PTN: variants seen among roughly 807,000 people sequenced by gnomAD.
The protein encoded by PTN is pleiotrophin, also known as heparin affin regulatory protein.
PTN carries 18 observed loss-of-function variants against 24.1 expected under a neutral mutation model. That is an observed-to-expected ratio of 0.75 (90% CI 0.52 to 1.11). The LOEUF (loss-of-function observed/expected upper bound fraction) is 1.11. PTN is among the 50% of genes least tolerant of loss of function. The probability of loss-of-function intolerance (pLI) is 0.00; values close to 1 mark genes in which losing one functional copy is unlikely to be tolerated. For synonymous variants in PTN, 78 were observed against 68.6 expected (o/e 1.14, Z -0.67); for missense variants, 163 against 198.8 (o/e 0.82, Z 1.08).
chr7:137,245,443 G>A (rs575148894), intron 4 of PTN, among the ~76,000 whole-genome samples: 60 of 152,228 alleles, frequency 3.9e-4, no homozygotes, highest in African/African-American at 1.3e-3. Flanking sequence ...GTGGTGATGC[G>A]GATGTAAATA....
chr7:137,232,801 C>T (rs1808450752), intron 4 of PTN, among the ~76,000 whole-genome samples: 1 of 151,846 alleles, frequency 6.6e-6, no homozygotes, highest in South Asian at 2.1e-4. Flanking sequence ...GCGGCAGTTT[C>T]CCCCATGCTA....
chr7:137,237,793 A>G (rs866530265), intron 4 of PTN, among the ~76,000 whole-genome samples: 1 of 152,168 alleles, frequency 6.6e-6, no homozygotes, highest in African/African-American at 2.4e-5. Context: ...ATCTTTCTCT[A>G]TACTTTACAT....
chr7:137,228,957 G>A (rs1042872884), intron 4 of PTN, among the ~76,000 whole-genome samples: 1 of 151,836 alleles, frequency 6.6e-6, no homozygotes, highest in Non-Finnish European at 1.5e-5. Flanking sequence ...GTTAAGTACA[G>A]GCTCTGGAGT....
intron 1 of PTN, among the ~76,000 whole-genome samples, chr7:137,301,872 A>C (rs942848841): frequency 2.0e-5 from 3 of 152,000 alleles, no homozygotes; most frequent in Non-Finnish European, 2.9e-5. Flanking sequence ...AGGTAGAGGT[A>C]ACCGCGAACC....
At chr7:137,246,648 G>A (rs1304359777) in intron 4 of PTN, among the ~76,000 whole-genome samples, 1 of 152,128 alleles carries the variant, frequency 6.6e-6, no homozygotes, top group Non-Finnish European at 1.5e-5. Context: ...ACATGCATAA[G>A]TCATTGATTT....
intron 1 of PTN, among the ~76,000 whole-genome samples, chr7:137,264,550 C>T (rs1357195619): frequency 6.6e-6 from 1 of 152,166 alleles, no homozygotes; most frequent in Admixed American, 6.5e-5. Flanking sequence ...GTACAGCTCC[C>T]AGTCTACTGA....
chr7:137,313,975 G>T (rs1486437065), intron 1 of PTN, among the ~76,000 whole-genome samples: 2 of 152,118 alleles, frequency 1.3e-5, no homozygotes, highest in East Asian at 3.9e-4. Flanking sequence ...TCTGAGAAGG[G>T]TCTGAGAAAT....
rs535274315 is a variant in PTN, at chr7:137,323,448, A to T, written c.-2+19991T>A. ...TTACTATGGTAAAGTGAAGACTGTC[A>T]GTAATTTAAAACTTCATTTGTTTGC... On this transcript the variant is annotated intron_variant, in intron 1 of 4. Transcript: ENST00000348225. 3.0e-4 allele frequency among the ~76,000 whole-genome samples: 46 copies of T among 152,346 alleles called. 1 individual carries two copies. The South Asian group carries it at 8.9e-3, about 29-fold the overall frequency.
chr7:137,235,829 A>G (rs952974341), intron 4 of PTN, among the ~76,000 whole-genome samples: 2 of 152,026 alleles, frequency 1.3e-5, no homozygotes, highest in African/African-American at 4.8e-5. Context: ...CTGCTCAACT[A>G]TCTGCTCTTC....
intron 1 of PTN, among the ~76,000 whole-genome samples, chr7:137,290,868 T>C (rs1809628289): frequency 1.3e-5 from 2 of 152,158 alleles, no homozygotes; most frequent in African/African-American, 4.8e-5. Context: ...AAAAACAACA[T>C]ATATTTTTAC....
chr7:137,326,467 T>C (rs1466841436), intron 1 of PTN: 1 of 152,202 alleles, frequency 6.6e-6, no homozygotes, highest in Non-Finnish European at 1.5e-5. Context: ...CCAGAAAGAA[T>C]CTGTCTTAAC....
At chr7:137,303,796 T>C (rs1163769379) in intron 1 of PTN, among the ~76,000 whole-genome samples, 1 of 151,992 alleles carries the variant, frequency 6.6e-6, no homozygotes, top group Non-Finnish European at 1.5e-5. Flanking sequence ...AGACAACCGC[T>C]AAGAAACTAA....
At chr7:137,328,366 A>G (rs1810296338) in intron 1 of PTN, among the ~76,000 whole-genome samples, 1 of 152,194 alleles carries the variant, frequency 6.6e-6, no homozygotes, top group Non-Finnish European at 1.5e-5. Context: ...CCTATCACTC[A>G]CAACAGGCTG....
intron 1 of PTN, among the ~76,000 whole-genome samples, chr7:137,330,497 C>A (rs557956524): frequency 1.1e-4 from 16 of 152,196 alleles, no homozygotes; most frequent in South Asian, 2.1e-4. Context: ...AAAGCCCTGG[C>A]TGAAGGAACC....
Position 137,251,272 on chromosome 7 carries a change from T to C in PTN, c.409A>G (p.Ile137Val). The change falls in exon 4 of 5, where the codon ATC becomes GTC. Residue 137 changes from isoleucine (I) to valine (V), a missense_variant. Ile to Val is a conservative substitution (Grantham distance 29). Coordinates refer to ENST00000348225, the MANE Select transcript of PTN (RefSeq NM_002825.7). Reference sequence around the variant, plus strand: ...GTCAGTTTGCCACAGGGCTTGGAGATGGTGACAGTCTTCTGGCATTCGGCA... The same window carrying C: ...GTCAGTTTGCCACAGGGCTTGGAGACGGTGACAGTCTTCTGGCATTCGGCA... Reference protein sequence around the residue: ...HNAECQKTVTISKPCGKLTKP... With the variant: ...HNAECQKTVTVSKPCGKLTKP... The C allele has an allele frequency of 6.2e-7, 1 of 1,614,112 alleles. No individual in the cohort carries two copies. Among genetic ancestry groups the C allele is most frequent in the Non-Finnish European group, 8.5e-7 (1 of 1,180,022 alleles).
intron 1 of PTN, among the ~76,000 whole-genome samples, chr7:137,332,135 G>A (rs1164971085): frequency 1.3e-5 from 2 of 152,142 alleles, no homozygotes; most frequent in African/African-American, 2.4e-5. Context: ...AAAACATATT[G>A]CATGCATCAG....
chr7:137,239,713 C>G (rs1264963342), intron 4 of PTN, among the ~76,000 whole-genome samples: 1 of 152,026 alleles, frequency 6.6e-6, no homozygotes, highest in Admixed American at 6.6e-5. Context: ...ATCCATGTCC[C>G]TACAAAGGAC....
chr7:137,254,967 C>G lies in PTN; in HGVS notation c.7G>C (p.Ala3Pro). 6.5e-7 allele frequency: 1 copy of G among 1,538,474 alleles called. No individual in the cohort carries two copies. Residue 3 changes from alanine (A) to proline (P), a missense_variant, in exon 2 of 5, where the codon GCT becomes CCT. Ala to Pro is a conservative substitution (Grantham distance 27). Coordinates refer to ENST00000348225, the MANE Select transcript of PTN (RefSeq NM_002825.7). MQAQQYQQQRRKF... is the reference protein window; with the variant it reads MQPQQYQQQRRKF... ...CGACGCTGCTGCTGGTACTGTTGAG[C>G]CTGCATTCTAGGAATAAACAGAGAA...
chr7:137,310,989 T>C (rs1809972082), intron 1 of PTN, among the ~76,000 whole-genome samples: 1 of 152,136 alleles, frequency 6.6e-6, no homozygotes, highest in Non-Finnish European at 1.5e-5. Flanking sequence ...CCCAGCACCT[T>C]GGGAGGCCAA....
Sources: gnomAD v4.1 joint callset for allele counts (sites outside exome capture counted in the v4.1 genomes callset) on GRCh38, gnomAD v4.1.1 for gene constraint, MANE v1.5 for transcripts, NCBI Gene and HGNC (gene_info 2026-07-23, HGNC 2026-07-21) for gene names.